The following FRMD4B variants were observed in gnomAD, a reference collection of about 807,000 sequenced individuals.
FRMD4B encodes the protein FERM domain-containing protein 4B.
In FRMD4B, 74 loss-of-function variants were observed where a neutral mutation model predicts 141.5. The ratio of observed to expected loss-of-function variants is 0.52; its 90% CI spans 0.43 to 0.63. FRMD4B has a LOEUF of 0.63. Ranked by LOEUF, FRMD4B falls within the 30% of genes least tolerant of loss-of-function variation. The pLI, the probability that FRMD4B is intolerant of heterozygous loss-of-function variation, is 0.00. For missense variants in FRMD4B, 1,366 were observed against 1,253.4 expected (o/e 1.09, Z -1.36); for synonymous variants, 506 against 467.9 (o/e 1.08, Z -1.05).
intron 1 of FRMD4B, among the ~76,000 whole-genome samples, chr3:69,511,458 A>G (rs2107100979): frequency 6.6e-6 from 1 of 152,308 alleles, no homozygotes; most frequent in South Asian, 2.1e-4. Flanking sequence ...TACCATGCCT[A>G]TATAATCACA....
rs1347138932 is a variant in FRMD4B at position 69,323,632 on chromosome 3, A to G, written c.163-10115T>C. Among the ~76,000 whole-genome samples, 52 of 61,380 alleles carry G rather than the reference A, an allele frequency of 8.5e-4. 1 individual carries two copies. The highest frequency in any genetic ancestry group is 2.2e-3 in the African/African-American group (48 of 21,874). 40.3% of individuals were successfully genotyped at this position (61,380 alleles called of 152,430 possible). Reference sequence around the variant, plus strand: ...TGTATATATATATATATATATATATATATATATATATATATATATATGCGT... The same window carrying G: ...TGTATATATATATATATATATATATGTATATATATATATATATATATGCGT... On this transcript the variant is annotated intron_variant, in intron 1 of 22. Transcript: ENST00000398540.
chr3:69,182,923 A>G (rs1312887330), intron 19 of FRMD4B, among the ~76,000 whole-genome samples: 4 of 152,216 alleles, frequency 2.6e-5, no homozygotes, highest in African/African-American at 9.7e-5. Flanking sequence ...TTTCTGAGTC[A>G]CAAATATGTA....
At chr3:69,254,772 A>T (rs1261215944) in intron 5 of FRMD4B, among the ~76,000 whole-genome samples, 1 of 152,184 alleles carries the variant, frequency 6.6e-6, no homozygotes, top group Non-Finnish European at 1.5e-5. Flanking sequence ...CCAATATAAC[A>T]TCACAGAACA....
intron 1 of FRMD4B, among the ~76,000 whole-genome samples, chr3:69,377,732 C>A (rs181661228): frequency 6.6e-6 from 1 of 152,154 alleles, no homozygotes; most frequent in Non-Finnish European, 1.5e-5. Flanking sequence ...AGCTTCAGAG[C>A]TACCTGGGAG....
chr3:69,309,690 G>T (rs369264393), intron 3 of FRMD4B, among the ~76,000 whole-genome samples: 1 of 144,822 alleles, frequency 6.9e-6, no homozygotes, highest in African/African-American at 2.6e-5. Context: ...CAAGGGATCT[G>T]CCCATCTCGG....
At chr3:69,323,370 C>T (rs1354759796) in intron 1 of FRMD4B, among the ~76,000 whole-genome samples, 1 of 151,626 alleles carries the variant, frequency 6.6e-6, no homozygotes. Flanking sequence ...AATTTGAGAC[C>T]AGCCTGGCCA....
chr3:69,271,005 G>A (rs1299607174), intron 5 of FRMD4B, among the ~76,000 whole-genome samples: 1 of 152,154 alleles, frequency 6.6e-6, no homozygotes, highest in Non-Finnish European at 1.5e-5. Context: ...TCAGCTGAAT[G>A]GACCATCTGC....
intron 11 of FRMD4B, chr3:69,200,601 G>A: frequency 8.4e-7 from 1 of 1,193,988 alleles, no homozygotes; most frequent in Non-Finnish European, 1.1e-6. Flanking sequence ...CAACTCTCCT[G>A]AGTGACACCT....
intron 1 of FRMD4B, among the ~76,000 whole-genome samples, chr3:69,457,121 G>C (rs1360647556): frequency 1.3e-5 from 2 of 152,080 alleles, no homozygotes; most frequent in African/African-American, 4.8e-5. Flanking sequence ...TTTTGCAAAA[G>C]AAAGACATGA....
intron 12 of FRMD4B, 21 bp from the exon 13 acceptor site, chr3:69,197,059 C>G: frequency 1.2e-6 from 2 of 1,604,696 alleles, no homozygotes; most frequent in Non-Finnish European, 1.7e-6. Context: ...AAAGAAAGCA[C>G]TCAAATAATT....
chr3:69,194,272 G>A (rs2092875181), intron 16 of FRMD4B, among the ~76,000 whole-genome samples: 1 of 152,196 alleles, frequency 6.6e-6, no homozygotes, highest in African/African-American at 2.4e-5. Context: ...TGGATACACA[G>A]CTTCATCTTT....
intron 1 of FRMD4B, among the ~76,000 whole-genome samples, chr3:69,355,006 T>G (rs1267389975): frequency 6.9e-6 from 1 of 145,436 alleles, no homozygotes. Context: ...GCACATATAC[T>G]TGTAGGATAA....
chr3:69,416,554 T>G (rs1473578843), intron 2 of FRMD4B, among the ~76,000 whole-genome samples: 2 of 152,190 alleles, frequency 1.3e-5, no homozygotes, highest in Admixed American at 1.3e-4. Flanking sequence ...ATTATTATAC[T>G]TTAAGTTCTG....
At chr3:69,535,558 C>G (rs372427139) in intron 1 of FRMD4B, 23 of 166,486 alleles carry the variant, frequency 1.4e-4, no homozygotes, top group East Asian at 1.1e-3. Flanking sequence ...AAACAAAAGT[C>G]TTTATTGATA....
At position 69,348,605 on chromosome 3, in the gene FRMD4B, A is replaced by G. The variant is rs568064123; in HGVS notation, c.163-35088T>C. Among the ~76,000 whole-genome samples, 4 of 152,364 alleles carry G rather than the reference A, an allele frequency of 2.6e-5. No homozygotes were observed. The East Asian group carries it at 7.7e-4, about 29-fold the overall frequency. ...CCTCAGTAAAACACTGGCAAACTGA[A>G]TCCAGCAGCACATCAAAGATCTTAT... On this transcript the variant is annotated intron_variant, in intron 1 of 22. Transcript: ENST00000398540.
Position 69,203,062 on chromosome 3 carries a change from T to C in FRMD4B, c.877-4288A>G, listed in dbSNP as rs113520999. ...TATAAAATATTGTCATCACAAGAAA[T>C]TCCCTTAACCCTAAGATGAAGTAAA... On this transcript the variant is annotated intron_variant, in intron 11 of 22. Transcript: ENST00000398540. Among the ~76,000 whole-genome samples the C allele has an allele frequency of 2.1e-3, 312 of 151,142 alleles. 2 individuals carry two copies. Among genetic ancestry groups the C allele is most frequent in the African/African-American group, 7.2e-3 (295 of 41,142 alleles).
At chr3:69,406,910 A>AATTT (rs1412692048) in intron 2 of FRMD4B, among the ~76,000 whole-genome samples, 3 of 70,230 alleles carry the variant, frequency 4.3e-5, no homozygotes, top group African/African-American at 1.5e-4. Context: ...TTTTAATTTT[A>AATTT]ATTTTTTTTT....
chr3:69,296,347 C>T lies in FRMD4B; in HGVS notation c.416+5996G>A, dbSNP rs888190759. On this transcript the variant is annotated intron_variant, in intron 4 of 22. Transcript: ENST00000398540. ...TCTGATACTTGCCCAGGGAATACACCGAGAAATAGAATCCTGTAAGAAACT... is the reference window on the plus strand; with the variant it reads ...TCTGATACTTGCCCAGGGAATACACTGAGAAATAGAATCCTGTAAGAAACT... Among the ~76,000 whole-genome samples the T allele has an allele frequency of 6.6e-5, 10 of 152,146 alleles. No individual in the cohort carries two copies. In the East Asian group the frequency reaches 9.7e-4, roughly 15 times the overall value.
At chr3:69,202,522 C>T (rs1575605167) in intron 11 of FRMD4B, among the ~76,000 whole-genome samples, 2 of 143,500 alleles carry the variant, frequency 1.4e-5, no homozygotes, top group Admixed American at 1.4e-4. Flanking sequence ...TCTTGCAATA[C>T]AATTAAGAGT....
Sources: allele counts gnomAD v4.1 joint callset (sites outside exome capture counted in the v4.1 genomes callset), GRCh38; gene constraint gnomAD v4.1.1; transcripts MANE v1.5; gene names NCBI Gene and HGNC (gene_info 2026-07-23, HGNC 2026-07-21).